NBEAL1: variants seen among roughly 807,000 people sequenced by gnomAD.
The protein encoded by NBEAL1 is neurobeachin-like protein 1.
In NBEAL1, 273 loss-of-function variants were observed where a neutral mutation model predicts 351.3. That is an observed-to-expected ratio of 0.78 (90% CI 0.70 to 0.86). The LOEUF (loss-of-function observed/expected upper bound fraction) is 0.86. NBEAL1 is among the 40% of genes least tolerant of loss of function. NBEAL1 has a pLI of 0.00. For missense variants in NBEAL1, 2,961 were observed against 3,201.3 expected, an observed-to-expected ratio of 0.92 and a Z score of 1.81; for synonymous variants, 1,050 against 1,086.4, an observed-to-expected ratio of 0.97 and a Z score of 0.66.
intron 51 of NBEAL1, among the ~76,000 whole-genome samples, chr2:203,205,047 G>A (rs1476661440): frequency 1.3e-5 from 2 of 151,950 alleles, no homozygotes; most frequent in East Asian, 3.8e-4. Context: ...CAAAATTATA[G>A]TGAGCATCCC....
rs1446136843 is a variant in NBEAL1 at position 203,076,479 on chromosome 2, AAAC to A, written c.599-1270_599-1268del. On this transcript the variant is annotated intron_variant, in intron 7 of 55. Coordinates refer to ENST00000683969, the MANE Select transcript of NBEAL1 (RefSeq NM_001378026.1). ...GCAATAAAGTAAGACCCTGTCTCAA[AAAC>A]AAACAAACAAACAAAAAAAAAAGTA... 5.6e-3 allele frequency among the ~76,000 whole-genome samples: 459 copies of A among 82,280 alleles called. 10 individuals are homozygous for A. Among genetic ancestry groups the A allele is most frequent in the African/African-American group, 0.011 (258 of 24,332 alleles). 54.0% of individuals were successfully genotyped at this position (82,280 alleles called of 152,430 possible).
rs760324778 is a variant in NBEAL1, at chr2:203,145,128, C to T, written c.5272C>T (p.Arg1758Trp). 2.9e-5 allele frequency: 46 copies of T among 1,607,886 alleles called. No homozygotes were observed. The highest frequency in any genetic ancestry group is 6.7e-5 in the South Asian group (6 of 89,126). Residue 1758 changes from arginine (R) to tryptophan (W), a missense_variant, in exon 33 of 56, where the codon CGG (arginine) becomes TGG (tryptophan). By Grantham distance (101) the Arg-to-Trp change is moderately radical (BLOSUM62 -3). Coordinates refer to ENST00000683969, the MANE Select transcript of NBEAL1 (RefSeq NM_001378026.1). Reference sequence around the variant, plus strand: ...AATGGTAAATATGCATAAACGAGACCGGGAAGGAGGGGAAAGCAAGCTCAA... The same window carrying T: ...AATGGTAAATATGCATAAACGAGACTGGGAAGGAGGGGAAAGCAAGCTCAA... ...ALMVNMHKRD[R>W]EGGESKLKFQ...
At position 203,190,159 on chromosome 2, in the gene NBEAL1, T is replaced by TACACACAC. The variant is rs71034227; in HGVS notation, c.6824-90_6824-83dup. 1.6e-3 allele frequency: 741 copies of TACACACAC among 450,444 alleles called. 1 individual carries two copies. The highest frequency in any genetic ancestry group is 6.2e-3 in the African/African-American group (258 of 41,550). 27.9% of individuals were successfully genotyped at this position (450,444 alleles called of 1,614,324 possible). ...TCAAAAAAAAAAAAAAAGATGTGTGTACACACACACACACACACACACACA... is the reference window on the plus strand; with the variant it reads ...TCAAAAAAAAAAAAAAAGATGTGTGTACACACACACACACACACACACACACACACACA... On this transcript the variant is annotated intron_variant, in intron 45 of 55. Coordinates refer to ENST00000683969, the MANE Select transcript of NBEAL1 (RefSeq NM_001378026.1).
chr2:203,132,108 C>G lies in NBEAL1; in HGVS notation c.3700C>G (p.Leu1234Val). Reference protein sequence around the residue: ...ALVNTSLIKNLTHQIINTDPV... With the variant: ...ALVNTSLIKNVTHQIINTDPV... The stretch of plus-strand genomic sequence containing the variant: ...TGTTAATACTTCTCTTATTAAAAAC[C>G]TCACCCATCAAATCATAAATACAGG... The change falls in exon 26 of 56, where the codon CTC becomes GTC. Residue 1234 changes from leucine to valine, a missense_variant. Physicochemically the swap from Leu to Val is conservative, Grantham distance 32 (BLOSUM62 1). Coordinates refer to ENST00000683969, the MANE Select transcript of NBEAL1 (RefSeq NM_001378026.1). 6.5e-7 allele frequency: 1 copy of G among 1,534,608 alleles called. No individual in the cohort carries two copies. Among genetic ancestry groups the G allele is most frequent in the Middle Eastern group, 1.7e-4 (1 of 5,958 alleles).
At chr2:203,015,415 C>T (rs1245866725) in intron 1 of NBEAL1, among the ~76,000 whole-genome samples, 1 of 152,074 alleles carries the variant, frequency 6.6e-6, no homozygotes, top group African/African-American at 2.4e-5. Context: ...AATTCCTCCC[C>T]CGCCCCCACG....
chr2:203,128,058 T>A, intron 24 of NBEAL1, 121 bp downstream of exon 24: 1 of 720,064 alleles, frequency 1.4e-6, no homozygotes, highest in Admixed American at 3.0e-5. Flanking sequence ...AGTGTCACAT[T>A]CAATATTATG....
chr2:203,171,094 T>C (rs2064304654), intron 39 of NBEAL1, among the ~76,000 whole-genome samples: 1 of 150,744 alleles, frequency 6.6e-6, no homozygotes, highest in African/African-American at 2.4e-5. Flanking sequence ...CCATCTCTAC[T>C]AAAAATACAA....
In NBEAL1 at chr2:203,225,186, C is replaced by T. The variant is rs1234004906; in HGVS notation, c.*7832C>T. 2.0e-5 allele frequency among the ~76,000 whole-genome samples: 3 copies of T among 152,064 alleles called. No individual in the cohort carries two copies. Among genetic ancestry groups the T allele is most frequent in the Non-Finnish European group, 4.4e-5 (3 of 68,006 alleles). ...GAATCAAATAAAAAAAGTGATGTTA[C>T]TTTCTTCAGTTGATTTGTAATTCTC... On this transcript the variant is annotated 3_prime_UTR_variant, in exon 56 of 56. Transcript: ENST00000683969.
intron 42 of NBEAL1, among the ~76,000 whole-genome samples, chr2:203,177,616 C>T (rs532585272): frequency 7.0e-4 from 106 of 152,260 alleles, no homozygotes; most frequent in African/African-American, 2.4e-3. Context: ...CAAATAATAA[C>T]TAGTGCTGAA....
chr2:203,096,865 C>T (rs977952073), intron 10 of NBEAL1, among the ~76,000 whole-genome samples: 1 of 152,176 alleles, frequency 6.6e-6, no homozygotes, highest in Non-Finnish European at 1.5e-5. Flanking sequence ...AACTATAGAA[C>T]CATACTGGGT....
chr2:203,096,054 G>A (rs1163724777), intron 10 of NBEAL1, among the ~76,000 whole-genome samples: 1 of 152,182 alleles, frequency 6.6e-6, no homozygotes, highest in Non-Finnish European at 1.5e-5. Flanking sequence ...ACCACACCCA[G>A]CTGACACCTT....
rs529415661 is a variant in NBEAL1, at chr2:203,222,166, G to T, written c.*4812G>T. Among the ~76,000 whole-genome samples, 1 of 152,172 alleles carries T rather than the reference G, an allele frequency of 6.6e-6. No individual in the cohort carries two copies. Among genetic ancestry groups the T allele is most frequent in the African/African-American group, 2.4e-5 (1 of 41,446 alleles). On this transcript the variant is annotated 3_prime_UTR_variant, in exon 56 of 56. Transcript: ENST00000683969. ...TGCACCACTGCACTTCAGCCTAGGT[G>T]GCAGAGTTAGACCCTGTCTCCAAAA...
Position 203,130,333 on chromosome 2 carries a change from G to A in NBEAL1, c.3421G>A (p.Asp1141Asn). 2 of 1,527,458 alleles carry A rather than the reference G, an allele frequency of 1.3e-6. No individual in the cohort carries two copies. The highest frequency in any genetic ancestry group is 2.5e-5 in the South Asian group (2 of 78,454). The allele number at this position is 1,527,458 out of a possible 1,614,324, so 94.6% of individuals were successfully genotyped here. ...ATTTTAAAAGCTCTTTGGAATTTTG[G>A]ACGTGCTCTTCAGTCTCCTACGTAC... is the stretch of plus-strand genomic sequence containing the variant. ...NEEEQLFGIL[D>N]VLFSLLRTSP... is the part of the protein sequence containing the mutation. The change falls in exon 25 of 56, where the codon GAC becomes AAC. Residue 1141 changes from aspartate to asparagine, a missense_variant. Physicochemically the swap from Asp to Asn is conservative, Grantham distance 23. Transcript: ENST00000683969.
At chr2:203,100,391 C>T (rs754849801) in intron 12 of NBEAL1, among the ~76,000 whole-genome samples, 4 of 152,182 alleles carry the variant, frequency 2.6e-5, no homozygotes, top group Non-Finnish European at 5.9e-5. Context: ...TCCTTTTCTT[C>T]ACAACCTTGC....
At chr2:203,023,037 A>G (rs2060794774) in intron 2 of NBEAL1, among the ~76,000 whole-genome samples, 1 of 152,344 alleles carries the variant, frequency 6.6e-6, no homozygotes, top group African/African-American at 2.4e-5. Context: ...CAAAAAGAAA[A>G]TAGAATTTAG....
intron 8 of NBEAL1, among the ~76,000 whole-genome samples, chr2:203,082,309 T>C (rs2061888100): frequency 6.6e-6 from 1 of 152,220 alleles, no homozygotes; most frequent in Non-Finnish European, 1.5e-5. Context: ...TTTCTCTGAA[T>C]AAGGAAGGTG....
chr2:203,124,637 T>G (rs1194357648), intron 19 of NBEAL1, among the ~76,000 whole-genome samples: 4 of 152,188 alleles, frequency 2.6e-5, no homozygotes, highest in Non-Finnish European at 5.9e-5. Flanking sequence ...AAGAGGTTGT[T>G]TGAAGACTTA....
chr2:203,103,683 C>G (rs2062375571), intron 12 of NBEAL1, among the ~76,000 whole-genome samples: 4 of 152,078 alleles, frequency 2.6e-5, no homozygotes, highest in Admixed American at 2.6e-4. Flanking sequence ...CTCCAGTTCT[C>G]TAGTTGTGAT....
chr2:203,187,113 G>A (rs1313966887), intron 44 of NBEAL1, among the ~76,000 whole-genome samples: 1 of 152,192 alleles, frequency 6.6e-6, no homozygotes, highest in East Asian at 1.9e-4. Context: ...TCCCCCGGCT[G>A]GAGTGCAGTG....
Sources: gnomAD v4.1 joint callset for allele counts (sites outside exome capture counted in the v4.1 genomes callset) on GRCh38, gnomAD v4.1.1 for gene constraint, MANE v1.5 for transcripts, NCBI Gene and HGNC (gene_info 2026-07-23, HGNC 2026-07-21) for gene names.